The following TRIP12 variants were observed in gnomAD, a reference collection of about 807,000 sequenced individuals.
The protein encoded by TRIP12 is E3 ubiquitin-protein ligase TRIP12.
Under a neutral mutation model 244.2 loss-of-function variants are expected in TRIP12, and 25 were observed. That is an observed-to-expected ratio of 0.10 (90% CI 0.07 to 0.14). The LOEUF (loss-of-function observed/expected upper bound fraction) is 0.14, where lower values mean the gene tolerates loss of function less well. TRIP12 is among the 10% of genes least tolerant of loss of function. The pLI is 1.00. For synonymous variants in TRIP12, 905 were observed against 873.1 expected (o/e 1.04, Z -0.64); for missense variants, 1,677 against 2,486.4 (o/e 0.67, Z 6.92).
At position 229,774,151 on chromosome 2, in the gene TRIP12, C is replaced by T. The variant is rs1004258375; in HGVS notation, c.5640G>A (p.Lys1880=). 1 of 1,614,154 alleles carries T rather than the reference C, an allele frequency of 6.2e-7. No individual in the cohort carries two copies. The highest frequency in any genetic ancestry group is 1.6e-4 in the Middle Eastern group (1 of 6,062). Residue 1880 remains lysine, a synonymous_variant, in exon 38 of 42, where the codon AAG becomes AAA. Transcript: ENST00000675903. ...TLPGFPNIEL[K]KGGKDIPVTI... is the part of the protein sequence containing the mutation. ...TGACTGGTATATCCTTCCCTCCTTTCTTCAGTTCGATATTGGGAAACCCTG... is the reference window on the plus strand; with the variant it reads ...TGACTGGTATATCCTTCCCTCCTTTTTTCAGTTCGATATTGGGAAACCCTG...
At chr2:229,912,732 G>T (rs149720317) in intron 1 of TRIP12, among the ~76,000 whole-genome samples, 1 of 152,124 alleles carries the variant, frequency 6.6e-6, no homozygotes, top group Non-Finnish European at 1.5e-5. Flanking sequence ...TGCTGTAGTC[G>T]TAAGTTTCAA....
At chr2:229,909,696 AAAAC>A (rs949409253) in intron 1 of TRIP12, among the ~76,000 whole-genome samples, 32 of 152,102 alleles carry the variant, frequency 2.1e-4, no homozygotes, top group African/African-American at 7.5e-4. Flanking sequence ...CCAAAAAAAA[AAAAC>A]AAAGTAGCCA....
In TRIP12 at chr2:229,860,429, C is replaced by G. The variant is rs1324272721; in HGVS notation, c.201G>C (p.Leu67=). The change falls in exon 3 of 42, where the codon CTG becomes CTC. Residue 67 remains leucine (L), a synonymous_variant. Transcript: ENST00000675903. ...ACCTTTTAGAAAGGTGTCCCCTTGA[C>G]AGTTCAGAAGTAGTATTAGACTGCA... ...PKVQSNTTSE[L]SRGHLSKRSC... 1 of 1,608,018 alleles carries G rather than the reference C, an allele frequency of 6.2e-7. No individual in the cohort carries two copies. The highest frequency in any genetic ancestry group is 2.2e-5 in the East Asian group (1 of 44,670).
At position 229,862,764 on chromosome 2, in the gene TRIP12, AT is replaced by A. The variant is rs1191990746; in HGVS notation, c.99-2234del. Among the ~76,000 whole-genome samples, 33 of 152,190 alleles carry A rather than the reference AT, an allele frequency of 2.2e-4. 1 individual carries two copies. The highest frequency in any genetic ancestry group is 4.9e-4 in the Non-Finnish European group (33 of 68,024). On this transcript the variant is annotated intron_variant, in intron 2 of 41. Coordinates refer to ENST00000675903, the MANE Select transcript of TRIP12 (RefSeq NM_001348323.3). ...CAAATAAATTGTTCTGTTGACTTTT[AT>A]ATAGCTTATGTTAGATCCACCTAAT...
intron 18 of TRIP12, among the ~76,000 whole-genome samples, chr2:229,804,629 TA>T (rs2045358742): frequency 6.6e-6 from 1 of 152,216 alleles, no homozygotes; most frequent in Non-Finnish European, 1.5e-5. Context: ...ATAAAGAAGG[TA>T]ATTCTACCAC....
rs546015617 is a variant in TRIP12, at chr2:229,795,107, T to C, written c.3968+72A>G. 1.7e-3 allele frequency: 2,622 copies of C among 1,544,182 alleles called. 7 individuals are homozygous for C. Among genetic ancestry groups the C allele is most frequent in the Non-Finnish European group, 2.1e-3 (2,345 of 1,142,460 alleles). ...GCCAATCAAGACTTTACCAGACCTC[T>C]TGCCATCTTACTTCAGTGAAATTAA... On this transcript the variant is annotated intron_variant, in intron 26 of 41. Transcript: ENST00000675903.
chr2:229,786,847 T>C (rs1473980822), intron 33 of TRIP12, among the ~76,000 whole-genome samples: 5 of 152,130 alleles, frequency 3.3e-5, no homozygotes, highest in Non-Finnish European at 7.4e-5. Context: ...CTTTTGGAGA[T>C]AAAGGCTTTA....
chr2:229,804,085 A>T lies in TRIP12; in HGVS notation c.2793T>A (p.His931Gln). Residue 931 changes from histidine (H) to glutamine (Q), a missense_variant, in exon 19 of 42, where the codon CAT becomes CAA. His to Gln is a conservative substitution (Grantham distance 24). Transcript: ENST00000675903. ...YSSSAGPAVR[H>Q]KCLRAILRII... ...TCCTAAGAATTGCTCTAAGGCACTTATGTCTGACCGCAGGTCCTGCTGAGG... is the reference window on the plus strand; with the variant it reads ...TCCTAAGAATTGCTCTAAGGCACTTTTGTCTGACCGCAGGTCCTGCTGAGG... The T allele has an allele frequency of 6.2e-7, 1 of 1,614,194 alleles. No homozygotes were observed. Among genetic ancestry groups the T allele is most frequent in the Non-Finnish European group, 8.5e-7 (1 of 1,180,024 alleles).
chr2:229,871,877 C>A (rs980083632), intron 2 of TRIP12, among the ~76,000 whole-genome samples: 2 of 151,824 alleles, frequency 1.3e-5, no homozygotes, highest in African/African-American at 2.4e-5. Context: ...CTCAACCCAG[C>A]AATTCCACTT....
At chr2:229,831,253 G>T in intron 6 of TRIP12, 1 of 654,318 alleles carries the variant, frequency 1.5e-6, no homozygotes. Context: ...TGGGGGAAAT[G>T]TTGTATGTAG....
intron 8 of TRIP12, among the ~76,000 whole-genome samples, chr2:229,821,567 A>T (rs73099295): frequency 0.14 from 21,875 of 152,230 alleles, 1,636 homozygotes; most frequent in Admixed American, 0.2. Context: ...TATACCAATA[A>T]AACATTATGG....
At chr2:229,849,024 A>C (rs1439618337) in intron 4 of TRIP12, among the ~76,000 whole-genome samples, 2 of 152,230 alleles carry the variant, frequency 1.3e-5, no homozygotes, top group Admixed American at 6.5e-5. Context: ...TAGAAAAGGG[A>C]AACTAAGAAG....
chr2:229,817,459 T>A (rs1415779693), intron 9 of TRIP12, among the ~76,000 whole-genome samples: 1 of 152,214 alleles, frequency 6.6e-6, no homozygotes, highest in Non-Finnish European at 1.5e-5. Context: ...ATAATGGCAA[T>A]TTTTCTTCCT....
At chr2:229,922,243 A>G (rs996626455), upstream of TRIP12, 47 of 450,986 alleles carry the variant, frequency 1.0e-4, no homozygotes, top group Non-Finnish European at 1.6e-4. Flanking sequence ...GGGACTGTGG[A>G]GATCTACTTG....
chr2:229,917,133 C>T (rs1040629236), intron 1 of TRIP12, among the ~76,000 whole-genome samples: 1 of 152,096 alleles, frequency 6.6e-6, no homozygotes, highest in Admixed American at 6.5e-5. Context: ...GTAATCCCAG[C>T]ACTTTGGGAG....
intron 4 of TRIP12, among the ~76,000 whole-genome samples, chr2:229,850,584 G>C (rs12997178): frequency 6.6e-6 from 1 of 152,168 alleles, no homozygotes; most frequent in Non-Finnish European, 1.5e-5. Flanking sequence ...GCTCGCTCTC[G>C]GCGCCTCCTC....
At chr2:229,809,492 G>T (rs937626556) in intron 15 of TRIP12, among the ~76,000 whole-genome samples, 1 of 152,124 alleles carries the variant, frequency 6.6e-6, no homozygotes, top group Non-Finnish European at 1.5e-5. Flanking sequence ...AAAACAAAAG[G>T]CAGGCAGCAA....
intron 4 of TRIP12, among the ~76,000 whole-genome samples, chr2:229,850,718 G>A (rs920937100): frequency 6.6e-6 from 1 of 152,224 alleles, no homozygotes; most frequent in African/African-American, 2.4e-5. Flanking sequence ...AGGTGTGGAG[G>A]GAGAGGCGCG....
At chr2:229,779,277 C>T (rs1255553688) in intron 34 of TRIP12, among the ~76,000 whole-genome samples, 1 of 152,198 alleles carries the variant, frequency 6.6e-6, no homozygotes, top group African/African-American at 2.4e-5. Flanking sequence ...CCTTCAGGAA[C>T]AATATGGCAT....
Sources: gnomAD v4.1 joint callset for allele counts (sites outside exome capture counted in the v4.1 genomes callset) on GRCh38, gnomAD v4.1.1 for gene constraint, MANE v1.5 for transcripts, NCBI Gene and HGNC (gene_info 2026-07-23, HGNC 2026-07-21) for gene names.